The following AFF3 variants were observed in gnomAD, a reference collection of about 807,000 sequenced individuals.
The protein encoded by AFF3 is AF4/FMR2 family member 3.
A neutral mutation model predicts 129.7 loss-of-function variants in AFF3; 32 were observed. That is an observed-to-expected ratio of 0.25 (90% CI 0.19 to 0.33). The LOEUF (loss-of-function observed/expected upper bound fraction) is 0.33, where lower values mean the gene tolerates loss of function less well. Among genes scored for constraint, AFF3 ranks in the 10% least tolerant of loss-of-function variants. AFF3 has a pLI of 1.00. For synonymous variants in AFF3, 644 were observed against 635.4 expected, an observed-to-expected ratio of 1.01 and a Z score of -0.20; for missense variants, 1,373 against 1,592.0, an observed-to-expected ratio of 0.86 and a Z score of 2.34.
In AFF3 at chr2:99,737,294, AT is replaced by A. The variant is rs577936788; in HGVS notation, c.1039+6809del. ...GGTGCATGCAATCAACATTGTTTAA[AT>A]TTTCCCCATATTTACTTTCACTGCA... On this transcript the variant is annotated intron_variant, in intron 10 of 24. Transcript: ENST00000672756. Among the ~76,000 whole-genome samples, 18 of 152,232 alleles carry A rather than the reference AT, an allele frequency of 1.2e-4. No individual in the cohort carries two copies. In the East Asian group the frequency reaches 2.9e-3, roughly 24 times the overall value.
chr2:100,008,536 T>C (rs1280191121), intron 5 of AFF3, among the ~76,000 whole-genome samples: 1 of 152,060 alleles, frequency 6.6e-6, no homozygotes, highest in African/African-American at 2.4e-5. Context: ...AACGCGGAGA[T>C]GAAGTCTGTA....
At chr2:99,555,952 A>G (rs1348779270) in intron 22 of AFF3, among the ~76,000 whole-genome samples, 2 of 152,238 alleles carry the variant, frequency 1.3e-5, no homozygotes, top group African/African-American at 4.8e-5. Context: ...CTTCCTGAAC[A>G]GGGGAGCTTA....
chr2:99,648,938 C>CTCTCTCTCTCTCTCTCTCTCTCTCTCTCT (rs56856050), intron 13 of AFF3, among the ~76,000 whole-genome samples: 121 of 146,460 alleles, frequency 8.3e-4, no homozygotes, highest in Non-Finnish European at 1.3e-3. Context: ...CTCTCTCTCT[C>CTCTCTCTCTCTCTCTCTCTCTCTCTCTCT]CAATCTTAGT....
rs78095361 is a variant in AFF3 at position 99,985,663 on chromosome 2, T to C, written c.873+20969A>G. 2.8e-3 allele frequency among the ~76,000 whole-genome samples: 420 copies of C among 152,204 alleles called. 2 individuals are homozygous for C. The highest frequency in any genetic ancestry group is 8.7e-3 in the African/African-American group (361 of 41,530). The stretch of plus-strand genomic sequence containing the variant: ...ACAAAATGCTAAGCAAAAAGGCCAA[T>C]AATATACAGCACAAAAATGAGCAAA... On this transcript the variant is annotated intron_variant, in intron 7 of 24. Transcript: ENST00000672756.
At chr2:99,993,854 G>A (rs1434121323) in intron 7 of AFF3, among the ~76,000 whole-genome samples, 2 of 129,270 alleles carry the variant, frequency 1.5e-5, no homozygotes, top group Admixed American at 9.8e-5. Context: ...TGCCCAGGCT[G>A]GAGTGCAATG....
At chr2:100,050,205 A>C (rs568527342) in intron 4 of AFF3, among the ~76,000 whole-genome samples, 5 of 150,564 alleles carry the variant, frequency 3.3e-5, no homozygotes, top group Admixed American at 1.3e-4. Flanking sequence ...CTCGGGGGGG[A>C]AAAAAAGGCA....
chr2:99,820,483 G>A (rs1299689859), intron 8 of AFF3, among the ~76,000 whole-genome samples: 1 of 151,980 alleles, frequency 6.6e-6, no homozygotes, highest in Non-Finnish European at 1.5e-5. Flanking sequence ...AGTGCTGAGT[G>A]AAATGTGAAG....
At chr2:99,692,675 C>T (rs1030057853) in intron 11 of AFF3, among the ~76,000 whole-genome samples, 1 of 152,200 alleles carries the variant, frequency 6.6e-6, no homozygotes, top group Non-Finnish European at 1.5e-5. Context: ...GACATTCCTG[C>T]CTTCCCCGAC....
At chr2:100,004,032 TTTC>T (rs975625341) in intron 7 of AFF3, among the ~76,000 whole-genome samples, 12 of 152,196 alleles carry the variant, frequency 7.9e-5, no homozygotes, top group Non-Finnish European at 1.3e-4. Context: ...TTAATCTGAT[TTTC>T]TTATGAGGAA....
At chr2:100,058,237 C>T (rs1686964704) in intron 4 of AFF3, among the ~76,000 whole-genome samples, 2 of 152,190 alleles carry the variant, frequency 1.3e-5, no homozygotes, top group Non-Finnish European at 2.9e-5. Context: ...AGAGGAAGCA[C>T]TTGCCCAAGG....
intron 13 of AFF3, among the ~76,000 whole-genome samples, chr2:99,626,455 T>TCC (rs1315160852): frequency 5.3e-5 from 3 of 56,168 alleles, no homozygotes; most frequent in Non-Finnish European, 1.3e-4. Flanking sequence ...CCCTTCCCCT[T>TCC]CCTTCCTTCC....
At chr2:99,893,981 C>G (rs140069126) in intron 7 of AFF3, among the ~76,000 whole-genome samples, 9 of 152,164 alleles carry the variant, frequency 5.9e-5, no homozygotes, top group African/African-American at 2.2e-4. Flanking sequence ...CCGGCCTTCT[C>G]TCATGGAATG....
At chr2:99,731,758 C>A (rs10167011) in intron 10 of AFF3, among the ~76,000 whole-genome samples, 2 of 152,078 alleles carry the variant, frequency 1.3e-5, no homozygotes, top group African/African-American at 2.4e-5. Flanking sequence ...GAACAGGAGG[C>A]AATGTCACTA....
intron 8 of AFF3, among the ~76,000 whole-genome samples, chr2:99,769,032 T>C (rs1393372846): frequency 2.0e-5 from 3 of 152,336 alleles, no homozygotes; most frequent in Non-Finnish European, 4.4e-5. Context: ...TGGATATTGA[T>C]ACCTTTCTCT....
At chr2:99,921,459 A>G (rs1446805912) in intron 7 of AFF3, among the ~76,000 whole-genome samples, 1 of 152,086 alleles carries the variant, frequency 6.6e-6, no homozygotes, top group Non-Finnish European at 1.5e-5. Context: ...AAATTGTTGA[A>G]ATCCAAACAA....
chr2:99,786,869 T>C (rs897530664), intron 8 of AFF3, among the ~76,000 whole-genome samples: 1 of 152,138 alleles, frequency 6.6e-6, no homozygotes, highest in Non-Finnish European at 1.5e-5. Flanking sequence ...GTCTCATTAG[T>C]ACGAGTATTT....
At chr2:100,104,858 C>T in intron 3 of AFF3, 1 of 476,408 alleles carries the variant, frequency 2.1e-6, no homozygotes, top group Non-Finnish European at 2.7e-6. Context: ...CCTCTTTCTC[C>T]TCCGGGAGGC....
intron 7 of AFF3, among the ~76,000 whole-genome samples, chr2:99,862,376 G>A (rs1212615564): frequency 6.6e-6 from 1 of 152,134 alleles, no homozygotes; most frequent in East Asian, 1.9e-4. Flanking sequence ...GGGCCAAAAT[G>A]TGCTGAACTT....
At chr2:99,808,942 C>A (rs957104191) in intron 8 of AFF3, among the ~76,000 whole-genome samples, 1 of 152,166 alleles carries the variant, frequency 6.6e-6, no homozygotes, top group African/African-American at 2.4e-5. Context: ...AGTGAGGCAG[C>A]GGCTACAGAA....
Sources: allele counts gnomAD v4.1 joint callset (sites outside exome capture counted in the v4.1 genomes callset), GRCh38; gene constraint gnomAD v4.1.1; transcripts MANE v1.5; gene names NCBI Gene and HGNC (gene_info 2026-07-23, HGNC 2026-07-21).